CADM2: variants seen among roughly 807,000 people sequenced by gnomAD.
The protein encoded by CADM2 is cell adhesion molecule 2, also known as immunoglobulin superfamily member 4D.
Under a neutral mutation model 49.8 loss-of-function variants are expected in CADM2, and 12 were observed. That is an observed-to-expected ratio of 0.24 (90% CI 0.15 to 0.39). The LOEUF is 0.39. Ranked by LOEUF, CADM2 falls within the 10% of genes least tolerant of loss-of-function variation. The pLI, the probability that CADM2 is intolerant of heterozygous loss-of-function variation, is 1.00. For synonymous variants in CADM2, 214 were observed against 175.4 expected, an observed-to-expected ratio of 1.22 and a Z score of -1.74; for missense variants, 378 against 492.3, an observed-to-expected ratio of 0.77 and a Z score of 2.20.
intron 2 of CADM2, among the ~76,000 whole-genome samples, chr3:85,787,587 T>C (rs1257577100): frequency 1.3e-5 from 2 of 152,130 alleles, no homozygotes; most frequent in Non-Finnish European, 2.9e-5. Context: ...GCCTTCCATA[T>C]ATGTGGGTTT....
At chr3:85,847,561 A>C (rs1404992556) in intron 3 of CADM2, among the ~76,000 whole-genome samples, 3 of 152,178 alleles carry the variant, frequency 2.0e-5, no homozygotes, top group African/African-American at 7.2e-5. Context: ...TGGAGAAATA[A>C]TTACTTAAAA....
chr3:85,315,564 A>G (rs1042962006), intron 1 of CADM2, among the ~76,000 whole-genome samples: 4 of 152,214 alleles, frequency 2.6e-5, no homozygotes, highest in African/African-American at 7.2e-5. Context: ...ACTTTTTAAG[A>G]CAATTTTCAA....
At chr3:85,942,609 T>C (rs1415765091) in intron 7 of CADM2, among the ~76,000 whole-genome samples, 4 of 151,602 alleles carry the variant, frequency 2.6e-5, no homozygotes, top group African/African-American at 7.3e-5. Context: ...CTTGCGATAG[T>C]TTACTGAGAA....
chr3:85,152,111 A>G (rs1017737703), intron 1 of CADM2, among the ~76,000 whole-genome samples: 3 of 152,168 alleles, frequency 2.0e-5, no homozygotes, highest in Admixed American at 2.0e-4. Context: ...TCTCCTAAAG[A>G]GAGACTACCC....
intron 3 of CADM2, among the ~76,000 whole-genome samples, chr3:85,856,575 C>A (rs2075324884): frequency 6.6e-6 from 1 of 152,142 alleles, no homozygotes; most frequent in Non-Finnish European, 1.5e-5. Context: ...AAATTACTAT[C>A]AGAAATATGG....
At chr3:85,096,417 G>A (rs995408148) in intron 1 of CADM2, among the ~76,000 whole-genome samples, 4 of 151,182 alleles carry the variant, frequency 2.6e-5, no homozygotes, top group Admixed American at 2.6e-4. Flanking sequence ...AGAAGTCAAT[G>A]TGACTTGTTT....
chr3:85,708,147 A>G (rs1248610425), intron 1 of CADM2, among the ~76,000 whole-genome samples: 1 of 152,172 alleles, frequency 6.6e-6, no homozygotes, highest in African/African-American at 2.4e-5. Context: ...TATATTTCTT[A>G]TGCTGTAAAC....
At chr3:86,025,235 T>G (rs2107092160) in intron 8 of CADM2, among the ~76,000 whole-genome samples, 1 of 152,168 alleles carries the variant, frequency 6.6e-6, no homozygotes, top group South Asian at 2.1e-4. Flanking sequence ...TTTTGTAGTT[T>G]TAGTAGAGCC....
intron 1 of CADM2, among the ~76,000 whole-genome samples, chr3:85,507,655 A>G (rs2040418882): frequency 6.6e-6 from 1 of 152,176 alleles, no homozygotes; most frequent in African/African-American, 2.4e-5. Flanking sequence ...TTGTCTTCAT[A>G]ACTCTAGGGC....
At chr3:85,442,455 A>G (rs529569874) in intron 1 of CADM2, among the ~76,000 whole-genome samples, 1 of 121,880 alleles carries the variant, frequency 8.2e-6, no homozygotes, top group Admixed American at 9.2e-5. Flanking sequence ...GTACATGTAC[A>G]TTTATTACAA....
chr3:84,977,632 C>T (rs537252941), intron 1 of CADM2, among the ~76,000 whole-genome samples: 1 of 152,002 alleles, frequency 6.6e-6, no homozygotes, highest in East Asian at 1.9e-4. Flanking sequence ...CTCAGATACT[C>T]CTCTTATTAT....
intron 1 of CADM2, among the ~76,000 whole-genome samples, chr3:85,223,351 A>G (rs1044111962): frequency 1.3e-5 from 2 of 152,148 alleles, no homozygotes; most frequent in African/African-American, 4.8e-5. Context: ...TGTTATATCA[A>G]AGATTTACAG....
chr3:85,217,517 A>T (rs1204216018), intron 1 of CADM2, among the ~76,000 whole-genome samples: 1 of 152,062 alleles, frequency 6.6e-6, no homozygotes, highest in Non-Finnish European at 1.5e-5. Context: ...TTTTGAAATT[A>T]TTAATACCAA....
chr3:85,972,946 C>G (rs904937697), intron 8 of CADM2, among the ~76,000 whole-genome samples: 3 of 151,632 alleles, frequency 2.0e-5, no homozygotes, highest in African/African-American at 7.3e-5. Context: ...ATTTAGAGCT[C>G]TAACACTTTT....
intron 2 of CADM2, among the ~76,000 whole-genome samples, chr3:85,771,811 G>T (rs17023318): frequency 6.6e-6 from 1 of 152,040 alleles, no homozygotes; most frequent in South Asian, 2.1e-4. Context: ...CTAGATGGCC[G>T]ATCTATAATG....
At chr3:85,227,800 T>C (rs1208436401) in intron 1 of CADM2, among the ~76,000 whole-genome samples, 2 of 152,186 alleles carry the variant, frequency 1.3e-5, no homozygotes, top group Non-Finnish European at 2.9e-5. Flanking sequence ...TGTTTAGTGC[T>C]TCCTTCAGGA....
chr3:85,939,756 A>G (rs1721631292), intron 7 of CADM2, among the ~76,000 whole-genome samples: 2 of 148,948 alleles, frequency 1.3e-5, no homozygotes, highest in Non-Finnish European at 3.0e-5. Context: ...TGTACTTACT[A>G]TTTTACTTTC....
chr3:85,708,150 C>T (rs1279344133), intron 1 of CADM2, among the ~76,000 whole-genome samples: 1 of 152,022 alleles, frequency 6.6e-6, no homozygotes, highest in Admixed American at 6.6e-5. Context: ...ATTTCTTATG[C>T]TGTAAACATG....
intron 6 of CADM2, among the ~76,000 whole-genome samples, chr3:85,914,457 TA>T (rs1478979473): frequency 6.6e-6 from 1 of 152,128 alleles, no homozygotes. Flanking sequence ...TCTCAAAATA[TA>T]AAAAATTGTG....
Sources: allele counts gnomAD v4.1 joint callset (sites outside exome capture counted in the v4.1 genomes callset), GRCh38; gene constraint gnomAD v4.1.1; transcripts MANE v1.5; gene names NCBI Gene and HGNC (gene_info 2026-07-23, HGNC 2026-07-21).